ITGA5: variants seen among roughly 807,000 people sequenced by gnomAD.
ITGA5 encodes integrin alpha-5.
Under a neutral mutation model 146.3 loss-of-function variants are expected in ITGA5, and 55 were observed. The ratio of observed to expected loss-of-function variants is 0.38; its 90% CI spans 0.30 to 0.47. ITGA5 has a LOEUF of 0.47. Ranked by LOEUF, ITGA5 falls within the 20% of genes least tolerant of loss-of-function variation. The pLI, the probability that ITGA5 is intolerant of heterozygous loss-of-function variation, is 0.99. For missense variants in ITGA5, 1,131 were observed against 1,329.0 expected, an observed-to-expected ratio of 0.85 and a Z score of 2.32; for synonymous variants, 500 against 531.8, an observed-to-expected ratio of 0.94 and a Z score of 0.82.
intron 1 of ITGA5, 82 bp downstream of exon 1, chr12:54,418,898 TG>T: frequency 6.7e-7 from 1 of 1,484,922 alleles, no homozygotes; most frequent in Non-Finnish European, 9.2e-7. Flanking sequence ...ACTTAAGCCC[TG>T]GTCCCCTCCA....
chr12:54,408,456 G>A (rs913597436), intron 6 of ITGA5, among the ~76,000 whole-genome samples: 47 of 152,182 alleles, frequency 3.1e-4, no homozygotes, highest in African/African-American at 1.1e-3. Flanking sequence ...GGCAGGGCGC[G>A]GCGGCTCATG....
chr12:54,414,932 T>C (rs1024794696), intron 1 of ITGA5, among the ~76,000 whole-genome samples: 1 of 152,138 alleles, frequency 6.6e-6, no homozygotes, highest in Non-Finnish European at 1.5e-5. Flanking sequence ...GCAGATCACC[T>C]GAGGTCGGGA....
Position 54,403,161 on chromosome 12 carries a change from G to A in ITGA5, c.1914+26C>T, listed in dbSNP as rs1413692954. On this transcript the variant is annotated intron_variant, in intron 18 of 29. Transcript: ENST00000293379. The surrounding 1 kb of genome is among the most constrained non-coding windows in gnomAD (Gnocchi z 4.9). ...AATACCCAGGCCTCTGTCTTCCCAG[G>A]TCCCTTCTCCCTGCCCTGTCCTCAC... The A allele has an allele frequency of 1.3e-5, 21 of 1,578,342 alleles. No homozygotes were observed. The highest frequency in any genetic ancestry group is 1.6e-5 in the Non-Finnish European group (19 of 1,163,254).
At chr12:54,397,162 C>T (rs757922487) in intron 29 of ITGA5, 3 of 466,256 alleles carry the variant, frequency 6.4e-6, no homozygotes. Flanking sequence ...CATCTTGAGT[C>T]AAGAGGACCC....
intron 1 of ITGA5, among the ~76,000 whole-genome samples, chr12:54,417,132 G>A (rs1307912317): frequency 6.6e-6 from 1 of 152,088 alleles, no homozygotes; most frequent in East Asian, 1.9e-4. Flanking sequence ...AGGGGAGGGG[G>A]AAGGGATGAG....
rs1216639356 is a variant in ITGA5 at position 54,404,822 on chromosome 12, C to T, written c.1298G>A (p.Gly433Glu). 1.2e-6 allele frequency: 2 copies of T among 1,612,176 alleles called. No homozygotes were observed. Among genetic ancestry groups the T allele is most frequent in the African/African-American group, 2.7e-5 (2 of 74,780 alleles). ...CTGGGAAGGCTTAGAGCCCAGCCCT[C>T]CTGGGCCCCCAGGAAATACAAACAC... is the stretch of plus-strand genomic sequence containing the variant. ...GVVFVFPGGP[G>E]GLGSKPSQVL... Residue 433 changes from glycine (G) to glutamate (E), a missense_variant, in exon 13 of 30, where the codon GGA (glycine) becomes GAA (glutamate). Gly to Glu is a moderately conservative substitution (Grantham distance 98, BLOSUM62 -2). Coordinates refer to ENST00000293379, the MANE Select transcript of ITGA5 (RefSeq NM_002205.5).
At chr12:54,417,282 G>A (rs557711434) in intron 1 of ITGA5, among the ~76,000 whole-genome samples, 2 of 151,812 alleles carry the variant, frequency 1.3e-5, no homozygotes, top group South Asian at 2.1e-4. Flanking sequence ...AGGGGAGGGG[G>A]GAGTAAAGAG....
rs1955840169 is a variant in ITGA5 at position 54,404,785 on chromosome 12, G to A, written c.1335C>T (p.Pro445=). 2.5e-6 allele frequency: 4 copies of A among 1,614,008 alleles called. No homozygotes were observed. The African/African-American group carries it at 5.3e-5, about 22-fold the overall frequency. The change falls in exon 13 of 30, where the codon CCC becomes CCT. Residue 445 remains proline (P), a synonymous_variant. Coordinates refer to ENST00000293379, the MANE Select transcript of ITGA5 (RefSeq NM_002205.5). ...LGSKPSQVLQ[P]LWAASHTPDF... ...CTGGGGTGTGGCTGGCTGCCCACAG[G>A]GGCTGCAGAACCTGGGAAGGCTTAG...
At position 54,409,002 on chromosome 12, in the gene ITGA5, T is replaced by C. The variant is rs768435436; in HGVS notation, c.584-48A>G. On this transcript the variant is annotated intron_variant, in intron 4 of 29. Coordinates refer to ENST00000293379, the MANE Select transcript of ITGA5 (RefSeq NM_002205.5). The surrounding 1 kb of genome is among the most constrained non-coding windows in gnomAD (Gnocchi z 4.7). Reference sequence around the variant, plus strand: ...AAATGAGCCCTGCATAGATGGGTCATCCAGGAAAGAAGAGAGGGCATAGGG... The same window carrying C: ...AAATGAGCCCTGCATAGATGGGTCACCCAGGAAAGAAGAGAGGGCATAGGG... 24 of 1,580,218 alleles carry C rather than the reference T, an allele frequency of 1.5e-5. No individual in the cohort carries two copies. In the Admixed American group the frequency reaches 1.8e-4, roughly 12 times the overall value.
Position 54,409,351 on chromosome 12 carries a change from G to A in ITGA5, c.464C>T (p.Ala155Val), listed in dbSNP as rs200931801. The change falls in exon 4 of 30, where the codon GCA (alanine) becomes GTA (valine). Residue 155 changes from alanine to valine, a missense_variant and splice_region_variant. Transcript: ENST00000293379. This position sits in a 1 kb window ranked among gnomAD's most constrained non-coding sequence, Gnocchi z 4.7. ...TVRAHGSSILACAPLYSWRTE... is the reference protein window; with the variant it reads ...TVRAHGSSILVCAPLYSWRTE... ...GCGCCAGCTGTACAGTGGAGCGCAT[G>A]CCTGGGAGGGCCCAGGAGGAGGGGC... 2.7e-5 allele frequency: 43 copies of A among 1,612,000 alleles called. No homozygotes were observed. Among genetic ancestry groups the A allele is most frequent in the Non-Finnish European group, 3.5e-5 (41 of 1,179,244 alleles).
intron 29 of ITGA5, among the ~76,000 whole-genome samples, chr12:54,396,912 C>T (rs1955717585): frequency 6.6e-6 from 1 of 152,078 alleles, no homozygotes; most frequent in Non-Finnish European, 1.5e-5. Context: ...TCTTGAATTC[C>T]TGGGCTCAAG....
rs950351246 is a variant in ITGA5, at chr12:54,409,817, C to T, written c.350-220G>A. On this transcript the variant is annotated intron_variant, in intron 2 of 29. Coordinates refer to ENST00000293379, the MANE Select transcript of ITGA5 (RefSeq NM_002205.5). This position sits in a 1 kb window ranked among gnomAD's most constrained non-coding sequence, Gnocchi z 4.7. ...CACTACACACATACACATACACACA[C>T]ACACATACATACACACGCACGCACA... 1.3e-5 allele frequency: 7 copies of T among 530,690 alleles called. No homozygotes were observed. The African/African-American group carries it at 1.3e-4, about 10-fold the overall frequency. 32.9% of individuals were successfully genotyped at this position (530,690 alleles called of 1,614,324 possible).
At chr12:54,413,231 A>G (rs906464835) in intron 1 of ITGA5, 3 of 152,642 alleles carry the variant, frequency 2.0e-5, no homozygotes, top group African/African-American at 7.2e-5. Context: ...TTCCAAGAAG[A>G]CCAGGTATAC....
At chr12:54,410,703 T>A (rs1438254727) in intron 2 of ITGA5, among the ~76,000 whole-genome samples, 1 of 150,978 alleles carries the variant, frequency 6.6e-6, no homozygotes, top group Non-Finnish European at 1.5e-5. Context: ...GGACTACAAG[T>A]GCTCACCACT....
rs997922404 is a variant in ITGA5, at chr12:54,419,263, G to A, written c.-65C>T. On this transcript the variant is annotated 5_prime_UTR_variant, in exon 1 of 30. Transcript: ENST00000293379. ...GCCGCTTCCTAAACCTCCCAGAGGC[G>A]AATGACTCAACGCGGGGAGGAGTTT... The A allele has an allele frequency of 1.3e-6, 2 of 1,507,102 alleles. No homozygotes were observed. Among genetic ancestry groups the A allele is most frequent in the African/African-American group, 1.4e-5 (1 of 71,872 alleles). 93.4% of individuals were successfully genotyped at this position (1,507,102 alleles called of 1,614,324 possible). A position where few individuals can be genotyped will look rare whatever the true frequency, so the allele number is the denominator to read the frequency against.
At chr12:54,405,030 A>C in intron 12 of ITGA5, 136 bp from the exon 13 acceptor site, 1 of 1,189,128 alleles carries the variant, frequency 8.4e-7, no homozygotes. Flanking sequence ...AAATCCCAAG[A>C]CCCAGACAGT....
At chr12:54,408,709 CA>C (rs762766669) in intron 6 of ITGA5, 46 bp downstream of exon 6, 240,680 of 1,163,546 alleles carry the variant, frequency 0.21, 6 homozygotes, top group Non-Finnish European at 0.22. Flanking sequence ...GACTTCGTCT[CA>C]AAAAAAAAAA....
At chr12:54,396,439 T>C (rs1019290756) in intron 29 of ITGA5, 63 bp from the exon 30 acceptor site, 32 of 1,330,368 alleles carry the variant, frequency 2.4e-5, no homozygotes, top group Middle Eastern at 3.6e-4. Flanking sequence ...ACAGCTCTTA[T>C]TCCAAGAAGT....
rs1955907892 is a variant in ITGA5 at position 54,409,170 on chromosome 12, T to C, written c.583+62A>G. 1 of 1,573,972 alleles carries C rather than the reference T, an allele frequency of 6.4e-7. No homozygotes were observed. The highest frequency in any genetic ancestry group is 1.2e-5 in the South Asian group (1 of 83,462). On this transcript the variant is annotated intron_variant, in intron 4 of 29. Coordinates refer to ENST00000293379, the MANE Select transcript of ITGA5 (RefSeq NM_002205.5). The surrounding 1 kb of genome is among the most constrained non-coding windows in gnomAD (Gnocchi z 4.7). ...GGTAGGTGCGAGTCAACCCTAAGTA[T>C]GTGAGACACTTCAAGTATATGAGAA...
Sources: gnomAD v4.1 joint callset for allele counts (sites outside exome capture counted in the v4.1 genomes callset) on GRCh38, gnomAD v4.1.1 for gene constraint, Gnocchi (gnomAD v3.1) non-coding constraint, MANE v1.5 for transcripts, NCBI Gene and HGNC (gene_info 2026-07-23, HGNC 2026-07-21) for gene names.